Variants in SDK1 observed in about 807,000 individuals in gnomAD.
The protein encoded by SDK1 is protein sidekick-1.
SDK1 carries 157 observed loss-of-function variants against 245.5 expected under a neutral mutation model. The ratio of observed to expected loss-of-function variants is 0.64; its 90% CI spans 0.56 to 0.73. SDK1 has a LOEUF of 0.73. Among genes scored for constraint, SDK1 ranks in the 30% least tolerant of loss-of-function variants. The probability of loss-of-function intolerance (pLI) is 0.00; values close to 1 mark genes in which losing one functional copy is unlikely to be tolerated. For synonymous variants in SDK1, 1,647 were observed against 1,278.5 expected (o/e 1.29, Z -6.15); for missense variants, 3,583 against 3,002.3 (o/e 1.19, Z -4.52).
At chr7:3,447,469 T>C (rs181919892) in intron 1 of SDK1, among the ~76,000 whole-genome samples, 2 of 152,222 alleles carry the variant, frequency 1.3e-5, no homozygotes, top group African/African-American at 4.8e-5. Flanking sequence ...TAATAATAAA[T>C]GTATGCTTCA....
chr7:3,594,673 T>C (rs189797601), intron 1 of SDK1, among the ~76,000 whole-genome samples: 1 of 152,338 alleles, frequency 6.6e-6, no homozygotes, highest in East Asian at 1.9e-4. Context: ...AATTGTGACT[T>C]TGATTTTAAT....
At chr7:3,398,724 A>C (rs1778799521) in intron 1 of SDK1, among the ~76,000 whole-genome samples, 1 of 149,518 alleles carries the variant, frequency 6.7e-6, no homozygotes, top group Non-Finnish European at 1.5e-5. Context: ...CTGGGGGTAA[A>C]ACTTATGAAA....
At chr7:3,517,578 T>C (rs1002893627) in intron 1 of SDK1, among the ~76,000 whole-genome samples, 3 of 152,140 alleles carry the variant, frequency 2.0e-5, no homozygotes, top group African/African-American at 7.2e-5. Context: ...CAGGCACATA[T>C]CACTTTTCAT....
intron 1 of SDK1, among the ~76,000 whole-genome samples, chr7:3,420,152 A>C (rs573794364): frequency 2.0e-5 from 3 of 152,226 alleles, no homozygotes; most frequent in African/African-American, 7.2e-5. Flanking sequence ...TTAATATTCA[A>C]TGTGGTGTCC....
chr7:3,707,783 C>T (rs1214444131), intron 4 of SDK1, among the ~76,000 whole-genome samples: 1 of 152,152 alleles, frequency 6.6e-6, no homozygotes, highest in African/African-American at 2.4e-5. Flanking sequence ...TGGATTCATC[C>T]TCTTATCATT....
intron 40 of SDK1, chr7:4,227,518 A>G (rs1195302535): frequency 6.5e-6 from 3 of 459,856 alleles, no homozygotes; most frequent in Non-Finnish European, 1.3e-5. Flanking sequence ...CCATTCATAC[A>G]AAAAGAAATG....
chr7:3,874,305 T>C (rs1781023362), intron 5 of SDK1, among the ~76,000 whole-genome samples: 1 of 152,238 alleles, frequency 6.6e-6, no homozygotes, highest in African/African-American at 2.4e-5. Context: ...TTTCCCTGAC[T>C]TGACTTTGAG....
chr7:4,175,781 G>A lies in SDK1; in HGVS notation c.4943G>A (p.Ser1648Asn). 6.2e-7 allele frequency: 1 copy of A among 1,613,990 alleles called. No homozygotes were observed. Among genetic ancestry groups the A allele is most frequent in the Middle Eastern group, 1.6e-4 (1 of 6,062 alleles). The change falls in exon 34 of 45, where the codon AGC (serine) becomes AAC (asparagine). Residue 1648 changes from serine to asparagine, a missense_variant. Physicochemically the swap from Ser to Asn is conservative, Grantham distance 46. Transcript: ENST00000404826. ...GCTTTGCTTACCCCAATAGCCCAAA[G>A]CAGCTTCAAGACGGTGAACAGCAGC... ...IALHAELTAQ[S>N]SFKTVNSSST...
chr7:3,370,417 A>G (rs1314637080), intron 1 of SDK1, among the ~76,000 whole-genome samples: 1 of 152,212 alleles, frequency 6.6e-6, no homozygotes, highest in East Asian at 1.9e-4. Context: ...GTGGTGTGAA[A>G]AAGTAATTTC....
chr7:3,648,444 C>G (rs1345514272), intron 4 of SDK1, among the ~76,000 whole-genome samples: 1 of 152,192 alleles, frequency 6.6e-6, no homozygotes, highest in African/African-American at 2.4e-5. Context: ...AACCTTCAGT[C>G]AGCTTTGCAA....
chr7:3,962,623 T>G (rs777170108), intron 8 of SDK1, 34 bp from the exon 9 acceptor site: 1 of 1,528,310 alleles, frequency 6.5e-7, no homozygotes, highest in South Asian at 1.2e-5. Context: ...CAGGAATTAT[T>G]TTTAAAATCC....
intron 35 of SDK1, among the ~76,000 whole-genome samples, chr7:4,193,397 T>TATATATATATATATATATAAAA (rs1491542284): frequency 1.6e-5 from 1 of 64,204 alleles, no homozygotes; most frequent in African/African-American, 6.2e-5. Context: ...TATATATATA[T>TATATATATATATATATATAAAA]AAAGGGGAGT....
chr7:4,139,571 A>ATGTATATATGTGTG (rs1562872023), intron 28 of SDK1, among the ~76,000 whole-genome samples: 1 of 15,352 alleles, frequency 6.5e-5, no homozygotes, highest in African/African-American at 2.4e-4. Context: ...ATGTGTGTAT[A>ATGTATATATGTGTG]TGTGTGTGTG....
At chr7:4,110,141 A>C (rs1315057799) in intron 22 of SDK1, among the ~76,000 whole-genome samples, 4 of 152,122 alleles carry the variant, frequency 2.6e-5, no homozygotes, top group Non-Finnish European at 5.9e-5. Flanking sequence ...TTCCCTGCCT[A>C]AGGACCTTCC....
intron 4 of SDK1, among the ~76,000 whole-genome samples, chr7:3,762,621 G>A (rs1562424759): frequency 6.6e-6 from 1 of 152,162 alleles, no homozygotes; most frequent in Non-Finnish European, 1.5e-5. Flanking sequence ...GTGTTTGAGC[G>A]GCCAGTGCAA....
At chr7:3,343,341 G>C (rs1780404525) in intron 1 of SDK1, among the ~76,000 whole-genome samples, 1 of 152,112 alleles carries the variant, frequency 6.6e-6, no homozygotes, top group African/African-American at 2.4e-5. Flanking sequence ...CAATAAAAAG[G>C]GCCAAAGTAT....
At chr7:3,397,325 T>C (rs1333929169) in intron 1 of SDK1, among the ~76,000 whole-genome samples, 1 of 152,034 alleles carries the variant, frequency 6.6e-6, no homozygotes, top group Non-Finnish European at 1.5e-5. Flanking sequence ...TGGATTTGAA[T>C]TACTTCAGCT....
chr7:4,189,066 C>T (rs1783046159), intron 35 of SDK1, among the ~76,000 whole-genome samples: 1 of 150,650 alleles, frequency 6.6e-6, no homozygotes, highest in Admixed American at 6.6e-5. Flanking sequence ...TAAAAAAAAG[C>T]AAATGCTCCT....
At chr7:4,121,998 G>A (rs1185538318) in intron 25 of SDK1, among the ~76,000 whole-genome samples, 1 of 152,148 alleles carries the variant, frequency 6.6e-6, no homozygotes, top group Non-Finnish European at 1.5e-5. Context: ...TTCTGGACAT[G>A]TTGAATGCTG....
Sources: gnomAD v4.1 joint callset for allele counts (sites outside exome capture counted in the v4.1 genomes callset) on GRCh38, gnomAD v4.1.1 for gene constraint, MANE v1.5 for transcripts, NCBI Gene and HGNC (gene_info 2026-07-23, HGNC 2026-07-21) for gene names.